The following RAB3GAP1 variants were observed in gnomAD, a reference collection of about 807,000 sequenced individuals.
The protein encoded by RAB3GAP1 is RAB3 GTPase activating protein catalytic subunit 1, also known as rab3 GTPase-activating protein catalytic subunit.
A neutral mutation model predicts 130.7 loss-of-function variants in RAB3GAP1; 86 were observed. The observed-to-expected ratio is 0.66, with a 90% CI of 0.55 to 0.79. The LOEUF (loss-of-function observed/expected upper bound fraction) is 0.79, where lower values mean the gene tolerates loss of function less well. Among genes scored for constraint, RAB3GAP1 ranks in the 30% least tolerant of loss-of-function variants. The pLI is 0.00. For synonymous variants in RAB3GAP1, 367 were observed against 401.7 expected (o/e 0.91, Z 1.03); for missense variants, 1,029 against 1,169.4 (o/e 0.88, Z 1.75).
At position 135,154,822 on chromosome 2, in the gene RAB3GAP1, A is replaced by G. The variant is rs566547792; in HGVS notation, c.2289+946A>G. Among the ~76,000 whole-genome samples the G allele has an allele frequency of 3.3e-5, 5 of 152,260 alleles. No individual in the cohort carries two copies. The East Asian group carries it at 7.7e-4, about 24-fold the overall frequency. ...TGGGAATGATGAGAAAAAGGAAATA[A>G]GAGGGGAAAATTAAGGATCTTGCGG... On this transcript the variant is annotated intron_variant, in intron 19 of 23. Coordinates refer to ENST00000264158, the MANE Select transcript of RAB3GAP1 (RefSeq NM_012233.3).
intron 3 of RAB3GAP1, 87 bp downstream of exon 3, chr2:135,058,173 A>G (rs965993453): frequency 3.5e-6 from 4 of 1,138,832 alleles, no homozygotes; most frequent in Non-Finnish European, 5.3e-6. Flanking sequence ...GCACATTTGA[A>G]TTAAATGTTT....
downstream of RAB3GAP1, among the ~76,000 whole-genome samples, chr2:135,172,274 TAAAAA>T (rs916851648): frequency 2.0e-5 from 3 of 147,130 alleles, no homozygotes; most frequent in Middle Eastern, 3.4e-3. Context: ...TATTAAAAGT[TAAAAA>T]AAAAAATTAG....
chr2:135,168,168 G>A (rs1425739414), intron 23 of RAB3GAP1, among the ~76,000 whole-genome samples: 1 of 152,150 alleles, frequency 6.6e-6, no homozygotes, highest in Non-Finnish European at 1.5e-5. Flanking sequence ...TTTCACTCTG[G>A]AGAAAAACAG....
chr2:135,167,190 A>G (rs957251561), intron 23 of RAB3GAP1, among the ~76,000 whole-genome samples: 2 of 152,198 alleles, frequency 1.3e-5, no homozygotes, highest in Admixed American at 6.5e-5. Flanking sequence ...TAGTAATTCT[A>G]TATATTTATA....
At chr2:135,105,240 C>T (rs1277538449) in intron 5 of RAB3GAP1, among the ~76,000 whole-genome samples, 3 of 129,768 alleles carry the variant, frequency 2.3e-5, no homozygotes, top group Non-Finnish European at 3.3e-5. Flanking sequence ...CCGCTCCCCC[C>T]TTCCCCCTCC....
intron 3 of RAB3GAP1, among the ~76,000 whole-genome samples, chr2:135,069,425 T>G (rs995854837): frequency 1.3e-5 from 2 of 152,172 alleles, no homozygotes; most frequent in African/African-American, 4.8e-5. Flanking sequence ...TTTTCTTTAT[T>G]TAGTCATTTT....
chr2:135,120,018 T>C (rs980558646), intron 7 of RAB3GAP1, among the ~76,000 whole-genome samples: 1 of 152,224 alleles, frequency 6.6e-6, no homozygotes, highest in Non-Finnish European at 1.5e-5. Context: ...TGAGTGATCA[T>C]TCATTTCTCT....
At chr2:135,095,706 A>G (rs1403670526) in intron 5 of RAB3GAP1, among the ~76,000 whole-genome samples, 1 of 152,178 alleles carries the variant, frequency 6.6e-6, no homozygotes, top group Non-Finnish European at 1.5e-5. Flanking sequence ...CAAAAACAAC[A>G]AGTTTTAAAT....
chr2:135,054,125 A>G (rs541361401), intron 2 of RAB3GAP1, among the ~76,000 whole-genome samples: 135 of 152,386 alleles, frequency 8.9e-4, no homozygotes, highest in African/African-American at 2.7e-3. Context: ...CAGATTCAGT[A>G]TTCCTATGAC....
chr2:135,159,677 G>T lies in RAB3GAP1; in HGVS notation c.2290-2878G>T, dbSNP rs62170255. On this transcript the variant is annotated intron_variant, in intron 19 of 23. Transcript: ENST00000264158. Reference sequence around the variant, plus strand: ...ATTAGATAAAAACTAAGGAAACCGCGTACATACATACATGCTGACAGCATT... The same window carrying T: ...ATTAGATAAAAACTAAGGAAACCGCTTACATACATACATGCTGACAGCATT... Among the ~76,000 whole-genome samples the T allele has an allele frequency of 2.6e-5, 4 of 152,152 alleles. No homozygotes were observed. In the South Asian group the frequency reaches 8.3e-4, roughly 32 times the overall value.
At position 135,114,354 on chromosome 2, in the gene RAB3GAP1, C is replaced by A. The variant is rs79881341; in HGVS notation, c.483-862C>A. ...TGCATATCGAATAGACTATGATACT[C>A]TAAATCTACTGGGGAAGAATTAATT... On this transcript the variant is annotated intron_variant, in intron 6 of 23. Transcript: ENST00000264158. Among the ~76,000 whole-genome samples, 448 of 152,324 alleles carry A rather than the reference C, an allele frequency of 2.9e-3. 2 individuals are homozygous for A. The highest frequency in any genetic ancestry group is 8.1e-3 in the African/African-American group (338 of 41,580).
chr2:135,071,364 G>T (rs190025815), intron 3 of RAB3GAP1, among the ~76,000 whole-genome samples: 1 of 152,176 alleles, frequency 6.6e-6, no homozygotes, highest in African/African-American at 2.4e-5. Flanking sequence ...ATATTTGAAT[G>T]GATGGTAATT....
At chr2:135,130,414 A>C in intron 12 of RAB3GAP1, 138 bp from the exon 13 acceptor site, 1 of 732,578 alleles carries the variant, frequency 1.4e-6, no homozygotes, top group Non-Finnish European at 2.2e-6. Context: ...CATGTATATT[A>C]ATATTTTATA....
chr2:135,082,803 T>C (rs764426004), intron 3 of RAB3GAP1, among the ~76,000 whole-genome samples: 1 of 152,108 alleles, frequency 6.6e-6, no homozygotes, highest in Non-Finnish European at 1.5e-5. Flanking sequence ...GTTTGTCATA[T>C]TGTAACATTT....
chr2:135,097,019 T>C (rs1233002473), intron 5 of RAB3GAP1, among the ~76,000 whole-genome samples: 3 of 152,156 alleles, frequency 2.0e-5, no homozygotes. Flanking sequence ...TTTAAAAATA[T>C]TTTTAAAATC....
chr2:135,130,801 G>A (rs1573579759), intron 13 of RAB3GAP1, 80 bp downstream of exon 13: 2 of 1,338,954 alleles, frequency 1.5e-6, no homozygotes, highest in East Asian at 2.3e-5. Flanking sequence ...TATGTGGTAG[G>A]CAGTGACCTT....
At chr2:135,172,216 G>A (rs1692873560), downstream of RAB3GAP1, among the ~76,000 whole-genome samples, 1 of 151,958 alleles carries the variant, frequency 6.6e-6, no homozygotes, top group African/African-American at 2.4e-5. Context: ...GATCACATGA[G>A]GTCAGGAGTT....
At chr2:135,124,071 A>G in intron 8 of RAB3GAP1, 94 bp from the exon 9 acceptor site, 1 of 1,201,544 alleles carries the variant, frequency 8.3e-7, no homozygotes, top group Non-Finnish European at 1.2e-6. Context: ...TCTCTTGCAG[A>G]CACTTTTAAA....
chr2:135,154,696 G>T (rs1692262015), intron 19 of RAB3GAP1, among the ~76,000 whole-genome samples: 1 of 152,140 alleles, frequency 6.6e-6, no homozygotes, highest in African/African-American at 2.4e-5. Context: ...CACAGGTAGG[G>T]TTTGCTAGTT....
Sources: allele counts gnomAD v4.1 joint callset (sites outside exome capture counted in the v4.1 genomes callset), GRCh38; gene constraint gnomAD v4.1.1; transcripts MANE v1.5; gene names NCBI Gene and HGNC (gene_info 2026-07-23, HGNC 2026-07-21).